Variants in PLXDC2 observed in about 807,000 individuals in gnomAD.
PLXDC2 encodes plexin domain containing 2, also known as plexin domain-containing protein 2.
PLXDC2 carries 40 observed loss-of-function variants against 68.9 expected under a neutral mutation model. The ratio of observed to expected loss-of-function variants is 0.58; its 90% CI spans 0.45 to 0.76. The LOEUF (loss-of-function observed/expected upper bound fraction) is 0.76, where lower values mean the gene tolerates loss of function less well. PLXDC2 is among the 30% of genes least tolerant of loss of function. PLXDC2 has a pLI of 0.00. For synonymous variants in PLXDC2, 243 were observed against 234.2 expected, an observed-to-expected ratio of 1.04 and a Z score of -0.34; for missense variants, 644 against 661.9, an observed-to-expected ratio of 0.97 and a Z score of 0.30.
intron 4 of PLXDC2, among the ~76,000 whole-genome samples, chr10:20,093,562 G>C (rs753845385): frequency 6.6e-6 from 1 of 152,052 alleles, no homozygotes; most frequent in Non-Finnish European, 1.5e-5. Flanking sequence ...TTATTGTTCA[G>C]TTAAGGAAAT....
chr10:20,064,435 T>A (rs941456188), intron 3 of PLXDC2, among the ~76,000 whole-genome samples: 1 of 152,228 alleles, frequency 6.6e-6, no homozygotes, highest in Non-Finnish European at 1.5e-5. Context: ...TTAGCCAGGA[T>A]GGTCTCGATC....
intron 2 of PLXDC2, among the ~76,000 whole-genome samples, chr10:20,022,515 C>G (rs1835329564): frequency 6.6e-6 from 1 of 152,084 alleles, no homozygotes; most frequent in African/African-American, 2.4e-5. Context: ...TCTTTGGAAC[C>G]TGATGTATTC....
chr10:19,828,673 C>T (rs762964530), intron 1 of PLXDC2, among the ~76,000 whole-genome samples: 7 of 152,194 alleles, frequency 4.6e-5, no homozygotes, highest in Admixed American at 6.5e-5. Context: ...TGCAAAACAG[C>T]TCCATGCAGG....
At chr10:20,247,854 T>C (rs883638) in intron 13 of PLXDC2, among the ~76,000 whole-genome samples, 133,543 of 152,266 alleles carry the variant, frequency 0.88, 59,073 homozygotes, top group Middle Eastern at 0.95. Context: ...TCATATAAAA[T>C]GTATTTCAGA....
At chr10:20,093,489 G>T (rs1833307935) in intron 4 of PLXDC2, among the ~76,000 whole-genome samples, 1 of 152,122 alleles carries the variant, frequency 6.6e-6, no homozygotes, top group East Asian at 1.9e-4. Flanking sequence ...CATGATGCTT[G>T]TAGTCATGAT....
chr10:20,264,623 AAAT>A (rs1402740238), intron 13 of PLXDC2, among the ~76,000 whole-genome samples: 4 of 152,090 alleles, frequency 2.6e-5, no homozygotes, highest in Non-Finnish European at 5.9e-5. Context: ...ATACAGAAAA[AAAT>A]AATAATTTTG....
intron 2 of PLXDC2, among the ~76,000 whole-genome samples, chr10:20,037,882 G>T (rs1835606410): frequency 6.6e-6 from 1 of 152,156 alleles, no homozygotes; most frequent in Non-Finnish European, 1.5e-5. Context: ...GTGTTGTACA[G>T]TATTCTGACC....
At chr10:20,148,311 T>C (rs1158386009) in intron 6 of PLXDC2, among the ~76,000 whole-genome samples, 2 of 152,018 alleles carry the variant, frequency 1.3e-5, no homozygotes, top group Admixed American at 1.3e-4. Flanking sequence ...ATTTTGGTTC[T>C]AATTTCAAAA....
chr10:20,172,611 G>C (rs529528924), intron 7 of PLXDC2, among the ~76,000 whole-genome samples: 2 of 152,268 alleles, frequency 1.3e-5, no homozygotes, highest in African/African-American at 4.8e-5. Flanking sequence ...GTGTTTATCA[G>C]TTAATGTCTT....
At chr10:20,110,493 A>G (rs910275652) in intron 4 of PLXDC2, among the ~76,000 whole-genome samples, 4 of 152,064 alleles carry the variant, frequency 2.6e-5, no homozygotes, top group African/African-American at 9.7e-5. Flanking sequence ...ATACTGTGGA[A>G]TCCCCTTTTT....
At chr10:19,893,890 A>T (rs137890607) in intron 1 of PLXDC2, among the ~76,000 whole-genome samples, 7 of 152,222 alleles carry the variant, frequency 4.6e-5, no homozygotes, top group African/African-American at 7.2e-5. Flanking sequence ...AGGAATCTGT[A>T]TATTCATGAG....
At chr10:20,124,928 C>T (rs1279103160) in intron 4 of PLXDC2, among the ~76,000 whole-genome samples, 3 of 152,034 alleles carry the variant, frequency 2.0e-5, no homozygotes, top group African/African-American at 7.3e-5. Flanking sequence ...GGCTCAGAGG[C>T]CTGACAGTAA....
At chr10:20,097,544 A>G (rs1833367367) in intron 4 of PLXDC2, among the ~76,000 whole-genome samples, 1 of 152,298 alleles carries the variant, frequency 6.6e-6, no homozygotes, top group East Asian at 1.9e-4. Flanking sequence ...TGCGCTTTGC[A>G]TGAATTGTTT....
intron 4 of PLXDC2, among the ~76,000 whole-genome samples, chr10:20,110,251 A>G (rs1033020938): frequency 6.6e-6 from 1 of 152,070 alleles, no homozygotes; most frequent in Non-Finnish European, 1.5e-5. Flanking sequence ...GAATTGGAGA[A>G]AAAGAATGAA....
intron 9 of PLXDC2, among the ~76,000 whole-genome samples, chr10:20,206,112 A>G (rs1348806821): frequency 1.3e-5 from 2 of 152,138 alleles, no homozygotes; most frequent in African/African-American, 4.8e-5. Context: ...ACATACATAT[A>G]TCATAATATC....
At chr10:20,229,105 C>A (rs1588530859) in intron 12 of PLXDC2, among the ~76,000 whole-genome samples, 1 of 151,950 alleles carries the variant, frequency 6.6e-6, no homozygotes, top group East Asian at 1.9e-4. Flanking sequence ...AGGAGAAAGA[C>A]CCCATAAGAA....
intron 13 of PLXDC2, among the ~76,000 whole-genome samples, chr10:20,271,132 G>GACACACACACATACACACAC (rs372504677): frequency 1.2e-3 from 121 of 97,854 alleles, no homozygotes; most frequent in African/African-American, 3.3e-3. Flanking sequence ...ACAAAAAACA[G>GACACACACACATACACACAC]ACACACACAC....
intron 9 of PLXDC2, among the ~76,000 whole-genome samples, chr10:20,195,582 A>C (rs1288499628): frequency 6.6e-6 from 1 of 152,108 alleles, no homozygotes. Flanking sequence ...AGTTTATGCA[A>C]GTTCTCTGAG....
chr10:19,855,730 A>G (rs921444113), intron 1 of PLXDC2, among the ~76,000 whole-genome samples: 5 of 152,196 alleles, frequency 3.3e-5, no homozygotes, highest in African/African-American at 1.2e-4. Context: ...CTCAATCTAT[A>G]TTAAATAAAC....
Sources: gnomAD v4.1 joint callset for allele counts (sites outside exome capture counted in the v4.1 genomes callset) on GRCh38, gnomAD v4.1.1 for gene constraint, MANE v1.5 for transcripts, NCBI Gene and HGNC (gene_info 2026-07-23, HGNC 2026-07-21) for gene names.